GPC5: variants seen among roughly 807,000 people sequenced by gnomAD.
The protein encoded by GPC5 is glypican-5.
Under a neutral mutation model 53.9 loss-of-function variants are expected in GPC5, and 47 were observed. The observed-to-expected ratio is 0.87, with a 90% CI of 0.69 to 1.11. The LOEUF (loss-of-function observed/expected upper bound fraction) is 1.11, where lower values mean the gene tolerates loss of function less well. GPC5 is among the 50% of genes most tolerant of loss of function. The pLI, the probability that GPC5 is intolerant of heterozygous loss-of-function variation, is 0.00. For synonymous variants in GPC5, 286 were observed against 263.3 expected, an observed-to-expected ratio of 1.09 and a Z score of -0.84; for missense variants, 748 against 713.1, an observed-to-expected ratio of 1.05 and a Z score of -0.56.
intron 7 of GPC5, among the ~76,000 whole-genome samples, chr13:92,855,156 T>C (rs1288513551): frequency 2.0e-5 from 3 of 152,046 alleles, no homozygotes; most frequent in Admixed American, 6.6e-5. Flanking sequence ...CCTATCAAAC[T>C]GTAGATATGA....
chr13:92,741,859 G>C (rs1396334205), intron 7 of GPC5, among the ~76,000 whole-genome samples: 1 of 152,044 alleles, frequency 6.6e-6, no homozygotes, highest in Non-Finnish European at 1.5e-5. Context: ...CCTTGAGATA[G>C]TTTGCTGAGA....
chr13:92,186,185 C>G (rs1357930797), intron 7 of GPC5, among the ~76,000 whole-genome samples: 8 of 151,848 alleles, frequency 5.3e-5, no homozygotes. Context: ...TAGACATTAT[C>G]TTCTGAATAT....
At chr13:92,078,486 A>G (rs1380872753) in intron 6 of GPC5, among the ~76,000 whole-genome samples, 1 of 152,190 alleles carries the variant, frequency 6.6e-6, no homozygotes, top group Admixed American at 6.5e-5. Flanking sequence ...ACCTAGAACA[A>G]TGCTTGACAT....
At chr13:91,812,987 G>A (rs2038337430) in intron 5 of GPC5, among the ~76,000 whole-genome samples, 1 of 152,160 alleles carries the variant, frequency 6.6e-6, no homozygotes, top group Non-Finnish European at 1.5e-5. Context: ...CATTTTACCT[G>A]TTAAAAATGC....
At chr13:92,839,000 G>C (rs73630967) in intron 7 of GPC5, among the ~76,000 whole-genome samples, 14,800 of 152,202 alleles carry the variant, frequency 0.097, 1,282 homozygotes, top group African/African-American at 0.23. Flanking sequence ...AGTCAAAACT[G>C]TTCACCAGAA....
chr13:92,635,776 T>C (rs1453212993), intron 7 of GPC5, among the ~76,000 whole-genome samples: 1 of 152,246 alleles, frequency 6.6e-6, no homozygotes, highest in South Asian at 2.1e-4. Flanking sequence ...ATACACATCT[T>C]TACCAGGCTT....
intron 6 of GPC5, among the ~76,000 whole-genome samples, chr13:91,943,957 A>G (rs1349313460): frequency 6.6e-6 from 1 of 152,154 alleles, no homozygotes; most frequent in Non-Finnish European, 1.5e-5. Context: ...ATTACAACTC[A>G]AAATATGAAA....
intron 6 of GPC5, among the ~76,000 whole-genome samples, chr13:92,071,241 A>G (rs1303956848): frequency 6.6e-6 from 1 of 152,194 alleles, no homozygotes; most frequent in African/African-American, 2.4e-5. Context: ...GTTGAAAAAA[A>G]ATTGTCAATT....
intron 2 of GPC5, among the ~76,000 whole-genome samples, chr13:91,613,290 A>G (rs1211704100): frequency 6.6e-6 from 1 of 152,176 alleles, no homozygotes; most frequent in Non-Finnish European, 1.5e-5. Flanking sequence ...GGTGAAAGGC[A>G]TGTCTCACAT....
intron 7 of GPC5, among the ~76,000 whole-genome samples, chr13:92,400,954 A>G (rs993812442): frequency 6.6e-6 from 1 of 152,086 alleles, no homozygotes; most frequent in African/African-American, 2.4e-5. Flanking sequence ...GACAGGGACA[A>G]ATCCTAGGTA....
intron 2 of GPC5, among the ~76,000 whole-genome samples, chr13:91,582,717 A>G (rs561020894): frequency 6.6e-6 from 1 of 152,282 alleles, no homozygotes; most frequent in Admixed American, 6.5e-5. Flanking sequence ...GGTAATATTT[A>G]ATATCCATTT....
chr13:92,416,383 C>T (rs1876290288), intron 7 of GPC5, among the ~76,000 whole-genome samples: 1 of 152,132 alleles, frequency 6.6e-6, no homozygotes, highest in Non-Finnish European at 1.5e-5. Flanking sequence ...CAGAACTCTA[C>T]CTACTTGTGC....
rs979996997 is a variant in GPC5, at chr13:91,494,701, G to A, written c.325+45779G>A. Among the ~76,000 whole-genome samples, 25 of 152,280 alleles carry A rather than the reference G, an allele frequency of 1.6e-4. 2 individuals carry two copies. In the Middle Eastern group the frequency reaches 0.027, roughly 166 times the overall value. The stretch of plus-strand genomic sequence containing the variant: ...ATAGACTAGTCAGCAGTAGGGGACA[G>A]GGTGATCACTCCTTCTCTTTGAAAT... On this transcript the variant is annotated intron_variant, in intron 2 of 7. Transcript: ENST00000377067.
Position 91,734,787 on chromosome 13 carries a change from A to G in GPC5, c.1154+6122A>G, listed in dbSNP as rs978054275. Among the ~76,000 whole-genome samples, 13 of 151,358 alleles carry G rather than the reference A, an allele frequency of 8.6e-5. 2 individuals are homozygous for G. The highest frequency in any genetic ancestry group is 3.2e-4 in the African/African-American group (13 of 40,742). ...ATATTTTTCATTGGTCTCTTTTTAA[A>G]TTCACATCCCATTCTTGTTTCATGG... On this transcript the variant is annotated intron_variant, in intron 4 of 7. Transcript: ENST00000377067.
At chr13:91,618,387 C>T (rs932921005) in intron 2 of GPC5, among the ~76,000 whole-genome samples, 1 of 151,908 alleles carries the variant, frequency 6.6e-6, no homozygotes, top group Admixed American at 6.6e-5. Flanking sequence ...TGTCTTGGGA[C>T]CAGTTTAGCT....
In GPC5 at chr13:91,625,526, A is replaced by G. The variant is rs551393759; in HGVS notation, c.326-67661A>G. Among the ~76,000 whole-genome samples, 3 of 152,108 alleles carry G rather than the reference A, an allele frequency of 2.0e-5. No individual in the cohort carries two copies. The South Asian group carries it at 6.2e-4, about 32-fold the overall frequency. On this transcript the variant is annotated intron_variant, in intron 2 of 7. Coordinates refer to ENST00000377067, the MANE Select transcript of GPC5 (RefSeq NM_004466.6). Reference sequence around the variant, plus strand: ...GTGCGGAAAAAGTGTTTGAGTAGAGAGAGTGGAAGAAGGGAGATGGGTAGA... The same window carrying G: ...GTGCGGAAAAAGTGTTTGAGTAGAGGGAGTGGAAGAAGGGAGATGGGTAGA...
At chr13:92,834,053 A>G (rs1439567697) in intron 7 of GPC5, among the ~76,000 whole-genome samples, 2 of 152,090 alleles carry the variant, frequency 1.3e-5, no homozygotes, top group African/African-American at 4.8e-5. Flanking sequence ...AATGGTCTGG[A>G]TTAGGGTAAT....
chr13:91,641,067 C>A (rs1423390843), intron 2 of GPC5, among the ~76,000 whole-genome samples: 3 of 152,146 alleles, frequency 2.0e-5, no homozygotes, highest in African/African-American at 7.2e-5. Context: ...GTGGCTCACG[C>A]CTGTAATCCC....
At chr13:92,497,168 A>G (rs770837443) in intron 7 of GPC5, among the ~76,000 whole-genome samples, 4 of 152,046 alleles carry the variant, frequency 2.6e-5, no homozygotes, top group Non-Finnish European at 5.9e-5. Flanking sequence ...TTTTGTCATG[A>G]TGTCTTTGCC....
Sources: allele counts gnomAD v4.1 joint callset (sites outside exome capture counted in the v4.1 genomes callset), GRCh38; gene constraint gnomAD v4.1.1; transcripts MANE v1.5; gene names NCBI Gene and HGNC (gene_info 2026-07-23, HGNC 2026-07-21).